TCOF1: variants seen among roughly 807,000 people sequenced by gnomAD.
TCOF1 encodes treacle ribosome biogenesis factor 1, also known as treacle protein.
Under a neutral mutation model 149.0 loss-of-function variants are expected in TCOF1, and 33 were observed. The ratio of observed to expected loss-of-function variants is 0.22; its 90% confidence interval spans 0.17 to 0.30. TCOF1 has a LOEUF of 0.30. Ranked by LOEUF, TCOF1 falls within the 10% of genes least tolerant of loss-of-function variation. The pLI, the probability that TCOF1 is intolerant of heterozygous loss-of-function variation, is 1.00. For missense variants in TCOF1, 1,728 were observed against 1,840.7 expected, an observed-to-expected ratio of 0.94 and a Z score of 1.12; for synonymous variants, 789 against 738.8, an observed-to-expected ratio of 1.07 and a Z score of -1.10.
chr5:150,398,611 C>T (rs1769089242), intron 25 of TCOF1, among the ~76,000 whole-genome samples, 160 bp downstream of exon 25: 1 of 152,114 alleles, frequency 6.6e-6, no homozygotes, highest in Admixed American at 6.5e-5. Context: ...AGGGCATGTT[C>T]CCTGAGCACA....
In TCOF1 at chr5:150,392,160, G is replaced by A. The variant is rs767687152; in HGVS notation, c.3501G>A (p.Lys1167=). 1.1e-5 allele frequency: 18 copies of A among 1,614,026 alleles called. No individual in the cohort carries two copies. Residue 1167 remains lysine (K), a synonymous_variant, in exon 21 of 27, where the codon AAG becomes AAA. Transcript: ENST00000643257. ...EEDGEGPQGA[K]SAHTLVGPTP... ...ATGGTGAAGGGCCCCAGGGGGCCAA[G>A]TCAGCCCACACGCTGGGTGAGGGTG... is the stretch of plus-strand genomic sequence containing the variant.
At chr5:150,393,727 G>C in intron 23 of TCOF1, 175 bp downstream of exon 23, 1 of 828,840 alleles carries the variant, frequency 1.2e-6, no homozygotes, top group Non-Finnish European at 1.9e-6. Flanking sequence ...TCAAAGTGCA[G>C]GTGGGGCCAG....
intron 4 of TCOF1, chr5:150,368,381 T>C (rs1761806944): frequency 2.5e-6 from 1 of 399,294 alleles, no homozygotes; most frequent in Middle Eastern, 7.8e-4. Flanking sequence ...GATACATACA[T>C]GTATAAAGAA....
intron 18 of TCOF1, 113 bp downstream of exon 18, chr5:150,388,201 G>T (rs1766675767): frequency 6.9e-7 from 1 of 1,443,770 alleles, no homozygotes; most frequent in South Asian, 1.2e-5. Context: ...GGTCGGGAGG[G>T]GCTTGGGGTC....
Position 150,374,771 on chromosome 5 carries a change from G to A in TCOF1, c.1238G>A (p.Ser413Asn), listed in dbSNP as rs771702524. The A allele has an allele frequency of 4.3e-6, 7 of 1,613,026 alleles. No individual in the cohort carries two copies. In the Admixed American group the frequency reaches 1.0e-4, roughly 23 times the overall value. The change falls in exon 9 of 27, where the codon AGC becomes AAC. Residue 413 changes from serine (S) to asparagine (N), a missense_variant. Transcript: ENST00000643257. Reference protein sequence around the residue: ...AGKREEDSQSSSEESDSEEEA... With the variant: ...AGKREEDSQSNSEESDSEEEA... ...AAGCGGGAGGAGGACTCGCAGAGCA[G>A]CAGCGAGGAATCGGACAGTGAGGAG... is the stretch of plus-strand genomic sequence containing the variant.
chr5:150,376,108 G>A lies in TCOF1; in HGVS notation c.1920G>A (p.Gln640=), dbSNP rs751211193. ...AQAKPALKIP[Q]TKACPKKTNT... ...CAAAACCAGCTCTGAAAATTCCTCA[G>A]ACCAAGGCCTGCCCAAAGAAAACCA... Residue 640 remains glutamine, a synonymous_variant, in exon 13 of 27, where the codon CAG becomes CAA. Transcript: ENST00000643257. 1.9e-6 allele frequency: 3 copies of A among 1,614,090 alleles called. No homozygotes were observed. In the African/African-American group the frequency reaches 4.0e-5, roughly 22 times the overall value.
At position 150,383,901 on chromosome 5, in the gene TCOF1, A is replaced by G; in HGVS notation, c.2860-4001A>G. 2.6e-6 allele frequency: 4 copies of G among 1,526,584 alleles called. No individual in the cohort carries two copies. The South Asian group carries it at 4.9e-5, about 19-fold the overall frequency. 94.6% of individuals were successfully genotyped at this position (1,526,584 alleles called of 1,614,324 possible). ...GGCCCACCTTATCTTCCTGTACTCC[A>G]GAGGCCCAAGTCAGCCATGCTGGTG... On this transcript the variant is annotated intron_variant, in intron 17 of 26. Transcript: ENST00000643257.
At position 150,368,844 on chromosome 5, in the gene TCOF1, G is replaced by A. The variant is rs766950675; in HGVS notation, c.507G>A (p.Leu169=). The A allele has an allele frequency of 1.2e-6, 2 of 1,613,916 alleles. No individual in the cohort carries two copies. The highest frequency in any genetic ancestry group is 2.7e-5 in the African/African-American group (2 of 74,944). The change falls in exon 5 of 27, where the codon TTG becomes TTA. Residue 169 remains leucine (L), a synonymous_variant. Transcript: ENST00000643257. ...KSAEPSANTT[L]VSETEEEGSV... ...CAGAGCCCTCAGCAAATACTACGTT[G>A]GTCTCAGAAACTGAGGAGGAGGGCA...
At chr5:150,376,653 C>T in intron 14 of TCOF1, 33 bp downstream of exon 14, 4 of 1,548,080 alleles carry the variant, frequency 2.6e-6, no homozygotes, top group Non-Finnish European at 3.5e-6. Flanking sequence ...CCATCCCACC[C>T]ACACCTGTTC....
intron 3 of TCOF1, chr5:150,364,818 A>T (rs1760957941): frequency 6.4e-6 from 1 of 155,272 alleles, no homozygotes; most frequent in African/African-American, 2.4e-5. Flanking sequence ...AACTCTACAG[A>T]GGAATTGCTG....
rs1348426364 is a variant in TCOF1, at chr5:150,379,749, C to T, written c.2859+17C>T. 2 of 1,612,126 alleles carry T rather than the reference C, an allele frequency of 1.2e-6. No homozygotes were observed. The highest frequency in any genetic ancestry group is 1.7e-5 in the Admixed American group (1 of 59,630). On this transcript the variant is annotated intron_variant, in intron 17 of 26. Coordinates refer to ENST00000643257, the MANE Select transcript of TCOF1 (RefSeq NM_001371623.1). ...TCTGCCCAGGTAAGACTTGCCAGGC[C>T]TCTGAGCCACCAACACTCACTCCTC... is the stretch of plus-strand genomic sequence containing the variant.
intron 5 of TCOF1, among the ~76,000 whole-genome samples, 163 bp from the exon 6 acceptor site, chr5:150,369,366 C>A (rs554361823): frequency 6.6e-6 from 1 of 152,292 alleles, no homozygotes; most frequent in East Asian, 1.9e-4. Context: ...GTGATGGTAC[C>A]CACCTCAGAA....
chr5:150,389,233 C>A (rs1195643432), intron 18 of TCOF1, among the ~76,000 whole-genome samples: 1 of 152,174 alleles, frequency 6.6e-6, no homozygotes, highest in Non-Finnish European at 1.5e-5. Flanking sequence ...TAACATTTGA[C>A]AAATGCTAAC....
chr5:150,387,871 C>T, intron 17 of TCOF1, 31 bp from the exon 18 acceptor site: 1 of 1,613,320 alleles, frequency 6.2e-7, no homozygotes. Flanking sequence ...CCTTTAATCA[C>T]TGGGGGGGTG....
At chr5:150,395,464 G>A (rs1315024503) in intron 23 of TCOF1, among the ~76,000 whole-genome samples, 2 of 152,102 alleles carry the variant, frequency 1.3e-5, no homozygotes. Flanking sequence ...AGGAATTGCT[G>A]CTCACTTTCT....
chr5:150,376,275 G>C lies in TCOF1; in HGVS notation c.2087G>C (p.Ser696Thr). The change falls in exon 13 of 27, where the codon AGT becomes ACT. Residue 696 changes from serine to threonine, a missense_variant. Ser to Thr is a moderately conservative substitution (Grantham distance 58, BLOSUM62 1). Transcript: ENST00000643257. ...TQRPAEDSSS[S>T]EESDSEEEKT... ...AGACCAGCAGAGGATTCTTCAAGCA[G>C]TGAGGAATCAGATAGTGAGGAAGAG... The C allele has an allele frequency of 3.7e-6, 6 of 1,614,188 alleles. No homozygotes were observed. The highest frequency in any genetic ancestry group is 5.1e-6 in the Non-Finnish European group (6 of 1,180,022).
At chr5:150,398,573 G>T in intron 25 of TCOF1, 122 bp downstream of exon 25, 2 of 1,462,610 alleles carry the variant, frequency 1.4e-6, no homozygotes, top group Non-Finnish European at 1.9e-6. Flanking sequence ...GGCGTCAGGG[G>T]TTGTGACACA....
At position 150,392,756 on chromosome 5, in the gene TCOF1, A is replaced by C. The variant is rs753998190; in HGVS notation, c.3569A>C (p.Glu1190Ala). The C allele has an allele frequency of 1.2e-5, 20 of 1,613,982 alleles. No individual in the cohort carries two copies. The highest frequency in any genetic ancestry group is 1.5e-5 in the Non-Finnish European group (18 of 1,180,016). Residue 1190 changes from glutamate (E) to alanine (A), a missense_variant, in exon 22 of 27, where the codon GAG becomes GCG. Around this residue, in one of 2 missense-constraint regions of TCOF1, gnomAD observed 1,696 missense variants for 1,765.4 expected, o/e 0.96. Coordinates refer to ENST00000643257, the MANE Select transcript of TCOF1 (RefSeq NM_001371623.1). ...ACCCTGGTGGAGGAGACCGCAGCAGAGTCCAGCGAGGATGATGTGGTGGCG... is the reference window on the plus strand; with the variant it reads ...ACCCTGGTGGAGGAGACCGCAGCAGCGTCCAGCGAGGATGATGTGGTGGCG... Reference protein sequence around the residue: ...TETLVEETAAESSEDDVVAPS... With the variant: ...TETLVEETAAASSEDDVVAPS...
At chr5:150,369,650 C>A in intron 6 of TCOF1, 48 bp downstream of exon 6, 1 of 1,601,770 alleles carries the variant, frequency 6.2e-7, no homozygotes, top group East Asian at 2.2e-5. Context: ...GCCTCTAACC[C>A]TTCCAGGAAC....
Sources: gnomAD v4.1 joint callset for allele counts (sites outside exome capture counted in the v4.1 genomes callset) on GRCh38, gnomAD v4.1.1 for gene constraint, gnomAD v4.1.1 regional missense constraint, MANE v1.5 for transcripts, NCBI Gene and HGNC (gene_info 2026-07-23, HGNC 2026-07-21) for gene names.